The following COL4A5 variants were observed in gnomAD, a reference collection of about 807,000 sequenced individuals.
The protein encoded by COL4A5 is collagen type IV alpha 5 chain.
COL4A5 carries 26 observed loss-of-function variants against 130.2 expected under a neutral mutation model. The observed-to-expected ratio is 0.20, with a 90% CI of 0.15 to 0.28. COL4A5 has a LOEUF of 0.28. COL4A5 is among the 10% of genes least tolerant of loss of function. The pLI is 1.00. For missense variants in COL4A5, 1,131 were observed against 1,344.3 expected (o/e 0.84, Z 2.48); for synonymous variants, 496 against 439.6 (o/e 1.13, Z -1.60).
At chrX:108,564,375 G>A (rs1211353458) in intron 4 of COL4A5, among the ~76,000 whole-genome samples, 2 of 111,496 alleles carry the variant, frequency 1.8e-5, no homozygotes, top group Non-Finnish European at 1.9e-5. Context: ...AAGAGAATAA[G>A]TTTAGTTTAA....
chrX:108,622,900 G>C, intron 33 of COL4A5, 75 bp downstream of exon 33: 1 of 1,002,859 alleles, frequency 1.0e-6, no homozygotes, highest in Non-Finnish European at 1.4e-6. Context: ...CATGAAAAGT[G>C]ACTTATAATA....
At chrX:108,590,922 T>C in intron 19 of COL4A5, 136 bp from the exon 20 acceptor site, 1 of 570,290 alleles carries the variant, frequency 1.8e-6, no homozygotes, top group Non-Finnish European at 2.8e-6. Context: ...TTTCAGACTT[T>C]TGAGTCTCAT....
At chrX:108,641,864 T>C (rs771459459) in intron 36 of COL4A5, among the ~76,000 whole-genome samples, 2 of 111,490 alleles carry the variant, frequency 1.8e-5, no homozygotes, top group African/African-American at 6.5e-5. Context: ...TTTGTAACAA[T>C]TTGAACCAGG....
At position 108,625,776 on chromosome X, in the gene COL4A5, G is replaced by A. The variant is rs104886210; in HGVS notation, c.3088G>A (p.Gly1030Ser). 2 of 1,198,669 alleles carry A rather than the reference G, an allele frequency of 1.7e-6. No homozygotes were observed. Among genetic ancestry groups the A allele is most frequent in the East Asian group, 3.0e-5 (1 of 33,740 alleles). The change falls in exon 35 of 53, where the codon GGT becomes AGT. Residue 1030 changes from glycine to serine, a missense_variant. Gly to Ser is a moderately conservative substitution (Grantham distance 56, BLOSUM62 0). Coordinates refer to ENST00000328300, the MANE Select transcript of COL4A5 (RefSeq NM_033380.3). ...ACCTCCTGGACTTAAAGGAACCATCGGTGATATGGGTTTTCCAGGTGAGTG... is the reference window on the plus strand; with the variant it reads ...ACCTCCTGGACTTAAAGGAACCATCAGTGATATGGGTTTTCCAGGTGAGTG... Reference protein sequence around the residue: ...IGPPGLKGTIGDMGFPGPQGV... With the variant: ...IGPPGLKGTISDMGFPGPQGV...
At chrX:108,458,532 A>G (rs959043566) in intron 1 of COL4A5, among the ~76,000 whole-genome samples, 9 of 111,631 alleles carry the variant, frequency 8.1e-5, no homozygotes, top group African/African-American at 2.9e-4. Flanking sequence ...GAATTTCTAT[A>G]TAAATTTTAC....
At chrX:108,588,028 T>G (rs186279328) in intron 19 of COL4A5, among the ~76,000 whole-genome samples, 1 of 111,185 alleles carries the variant, frequency 9.0e-6, no homozygotes, top group African/African-American at 3.3e-5. Context: ...TGTTATACAA[T>G]AAAATCTTAG....
intron 1 of COL4A5, among the ~76,000 whole-genome samples, chrX:108,499,167 T>A (rs1443056835): frequency 9.0e-6 from 1 of 111,720 alleles, no homozygotes; most frequent in Admixed American, 9.5e-5. Context: ...AGAAGTTCCC[T>A]CTATTTTTAG....
chrX:108,526,661 T>TTTC (rs1447031182), intron 1 of COL4A5, among the ~76,000 whole-genome samples: 112 of 47,206 alleles, frequency 2.4e-3, no homozygotes, highest in African/African-American at 2.6e-3. Context: ...TCTTTCTTTC[T>TTTC]TCTTTCTTTC....
intron 10 of COL4A5, among the ~76,000 whole-genome samples, chrX:108,577,389 A>AAAAG (rs1250049580): frequency 3.9e-4 from 42 of 106,514 alleles, no homozygotes; most frequent in South Asian, 1.2e-3. Context: ...AAAAAAAAAA[A>AAAAG]AAAGAAAGAA....
intron 36 of COL4A5, among the ~76,000 whole-genome samples, chrX:108,645,152 C>T (rs1297045372): frequency 9.1e-6 from 1 of 110,431 alleles, no homozygotes; most frequent in Non-Finnish European, 1.9e-5. Context: ...TCCAAGGTCA[C>T]ACCTCAAGGA....
chrX:108,621,284 A>G (rs1265289494), intron 31 of COL4A5, among the ~76,000 whole-genome samples: 1 of 106,631 alleles, frequency 9.4e-6, no homozygotes, highest in East Asian at 3.0e-4. Flanking sequence ...CCTCCTCCCA[A>G]GTAGCTGGGA....
chrX:108,692,918 A>G lies in COL4A5; in HGVS notation c.4699A>G (p.Ile1567Val). The change falls in exon 50 of 53, where the codon ATT (isoleucine) becomes GTT (valine). Residue 1567 changes from isoleucine (I) to valine (V), a missense_variant. Transcript: ENST00000328300. ...PLKGQSIQPF[I>V]SRCAVCEAPA... ...AAAGGGCCAGAGCATCCAGCCATTC[A>G]TTAGTCGGTAAGGCATTGATTTAGC... 1 of 1,211,509 alleles carries G rather than the reference A, an allele frequency of 8.3e-7. No individual in the cohort carries two copies. Among genetic ancestry groups the G allele is most frequent in the Non-Finnish European group, 1.1e-6 (1 of 895,345 alleles).
intron 29 of COL4A5, among the ~76,000 whole-genome samples, chrX:108,610,068 C>T (rs1339161605): frequency 1.8e-5 from 2 of 110,205 alleles, no homozygotes; most frequent in Non-Finnish European, 3.8e-5. Flanking sequence ...GTGAGATTGG[C>T]CATCCTTTTA....
chrX:108,640,054 A>G (rs1287842245), intron 36 of COL4A5, among the ~76,000 whole-genome samples: 1 of 112,032 alleles, frequency 8.9e-6, no homozygotes, highest in Non-Finnish European at 1.9e-5. Context: ...AACATAATTG[A>G]AAACAAAAAT....
rs2067112042 is a variant in COL4A5 at position 108,624,369 on chromosome X, GC to G, written c.3016+36del. 3.1e-6 allele frequency: 3 copies of G among 962,146 alleles called. No homozygotes were observed. In the East Asian group the frequency reaches 9.2e-5, roughly 30 times the overall value. 79.3% of individuals were successfully genotyped at this position (962,146 alleles called of 1,213,427 possible). On this transcript the variant is annotated intron_variant, in intron 34 of 52. Coordinates refer to ENST00000328300, the MANE Select transcript of COL4A5 (RefSeq NM_033380.3). ...ATAGGCCATTTGTAGCAATTGCTTAGCTGACACTGAATTCTGGATAAATAAT... is the reference window on the plus strand; with the variant it reads ...ATAGGCCATTTGTAGCAATTGCTTAGTGACACTGAATTCTGGATAAATAAT...
intron 1 of COL4A5, among the ~76,000 whole-genome samples, chrX:108,525,225 C>G (rs867421012): frequency 7.2e-5 from 8 of 111,723 alleles, no homozygotes; most frequent in African/African-American, 2.3e-4. Context: ...AGAATTGACC[C>G]TTTTATCATT....
Position 108,655,594 on chromosome X carries a change from A to C in COL4A5, c.3373+137A>C, listed in dbSNP as rs56253633. The C allele has an allele frequency of 0.015, 10,817 of 736,679 alleles. 99 individuals carry two copies. The highest frequency in any genetic ancestry group is 0.018 in the Non-Finnish European group (9,248 of 504,783). 60.7% of individuals were successfully genotyped at this position (736,679 alleles called of 1,213,427 possible). ...CTGACTAGCAACATAATCTCAAACTATCTCTTTACCTTTTCTTTGCCCAAA... is the reference window on the plus strand; with the variant it reads ...CTGACTAGCAACATAATCTCAAACTCTCTCTTTACCTTTTCTTTGCCCAAA... On this transcript the variant is annotated intron_variant, in intron 37 of 52. Transcript: ENST00000328300.
At chrX:108,483,634 C>T (rs1329057323) in intron 1 of COL4A5, among the ~76,000 whole-genome samples, 2 of 111,813 alleles carry the variant, frequency 1.8e-5, no homozygotes, top group Non-Finnish European at 3.8e-5. Flanking sequence ...AAGATGTCTA[C>T]CTAGGAGTGG....
At chrX:108,520,615 C>T (rs2147608661) in intron 1 of COL4A5, among the ~76,000 whole-genome samples, 1 of 111,723 alleles carries the variant, frequency 9.0e-6, no homozygotes, top group Non-Finnish European at 1.9e-5. Flanking sequence ...GCTTTTGCAA[C>T]ACTTGTGCCT....
Sources: allele counts gnomAD v4.1 joint callset (sites outside exome capture counted in the v4.1 genomes callset), GRCh38; gene constraint gnomAD v4.1.1; transcripts MANE v1.5; gene names NCBI Gene and HGNC (gene_info 2026-07-23, HGNC 2026-07-21).